The following FAF1 variants were observed in gnomAD, a reference collection of about 807,000 sequenced individuals.
The protein encoded by FAF1 is Fas associated factor 1.
In FAF1, 25 loss-of-function variants were observed where a neutral mutation model predicts 92.5. The ratio of observed to expected loss-of-function variants is 0.27; its 90% CI spans 0.20 to 0.38. The LOEUF (loss-of-function observed/expected upper bound fraction) is 0.38, where lower values mean the gene tolerates loss of function less well. FAF1 is among the 10% of genes least tolerant of loss of function. The pLI is 1.00. For missense variants in FAF1, 636 were observed against 793.3 expected (o/e 0.80, Z 2.38); for synonymous variants, 234 against 273.2 (o/e 0.86, Z 1.42).
intron 4 of FAF1, among the ~76,000 whole-genome samples, chr1:50,787,625 A>G (rs1288649309): frequency 6.6e-6 from 1 of 152,234 alleles, no homozygotes; most frequent in Non-Finnish European, 1.5e-5. Flanking sequence ...AGTCTCAGGT[A>G]TTGTTATAGC....
At chr1:50,846,295 T>C (rs1644298500) in intron 2 of FAF1, among the ~76,000 whole-genome samples, 1 of 150,006 alleles carries the variant, frequency 6.7e-6, no homozygotes, top group Non-Finnish European at 1.5e-5. Flanking sequence ...CAAGCTGTCA[T>C]CAGAAACAGA....
chr1:50,815,168 G>C (rs1352055209), intron 2 of FAF1, among the ~76,000 whole-genome samples: 4 of 152,154 alleles, frequency 2.6e-5, no homozygotes, highest in Non-Finnish European at 5.9e-5. Context: ...GAGGTTTGGT[G>C]TATGACTGAT....
At chr1:50,586,816 A>G (rs896467325) in intron 9 of FAF1, among the ~76,000 whole-genome samples, 17 of 152,210 alleles carry the variant, frequency 1.1e-4, no homozygotes, top group African/African-American at 3.9e-4. Context: ...AGGTAGTCAA[A>G]TATCTGGAGA....
intron 6 of FAF1, among the ~76,000 whole-genome samples, chr1:50,734,651 G>A (rs1268554979): frequency 2.6e-5 from 4 of 151,402 alleles, no homozygotes; most frequent in Admixed American, 6.6e-5. Context: ...GGAGAATGGC[G>A]TGAACCCAGG....
At chr1:50,893,982 A>G (rs1029039161) in intron 1 of FAF1, among the ~76,000 whole-genome samples, 5 of 152,034 alleles carry the variant, frequency 3.3e-5, no homozygotes, top group Non-Finnish European at 7.4e-5. Flanking sequence ...ACCACCACAG[A>G]CCCATAGGGA....
intron 15 of FAF1, among the ~76,000 whole-genome samples, chr1:50,506,427 C>G (rs932543157): frequency 1.3e-5 from 2 of 152,108 alleles, no homozygotes; most frequent in African/African-American, 4.8e-5. Context: ...TATCCTTGGC[C>G]TGGAATACTC....
intron 17 of FAF1, among the ~76,000 whole-genome samples, chr1:50,479,206 C>T (rs1177242114): frequency 2.0e-5 from 3 of 151,486 alleles, no homozygotes; most frequent in Non-Finnish European, 1.5e-5. Flanking sequence ...CTCACAGCAT[C>T]CTTCTATAAG....
chr1:50,566,404 A>C (rs1557997761), intron 13 of FAF1, among the ~76,000 whole-genome samples: 1 of 152,088 alleles, frequency 6.6e-6, no homozygotes, highest in Non-Finnish European at 1.5e-5. Context: ...GCATCATGGG[A>C]TGTTACGGCC....
chr1:50,528,030 T>A (rs1321491272), intron 15 of FAF1, among the ~76,000 whole-genome samples: 1 of 151,760 alleles, frequency 6.6e-6, no homozygotes, highest in African/African-American at 2.4e-5. Flanking sequence ...ACTTGGCTAA[T>A]TTTTTTTCCC....
intron 1 of FAF1, among the ~76,000 whole-genome samples, chr1:50,869,259 T>C (rs1416485181): frequency 1.3e-5 from 2 of 152,172 alleles, no homozygotes; most frequent in East Asian, 3.8e-4. Flanking sequence ...ACTTTTATAG[T>C]ACATTTCTTT....
chr1:50,678,578 G>C (rs1478453329), intron 7 of FAF1, among the ~76,000 whole-genome samples: 1 of 151,564 alleles, frequency 6.6e-6, no homozygotes, highest in Non-Finnish European at 1.5e-5. Context: ...TCAGGAGATA[G>C]AGACCATCCT....
intron 1 of FAF1, among the ~76,000 whole-genome samples, chr1:50,956,727 T>A (rs1645270047): frequency 6.6e-6 from 1 of 152,200 alleles, no homozygotes; most frequent in Non-Finnish European, 1.5e-5. Flanking sequence ...GGCAGGTGGA[T>A]CACCTGAGGT....
chr1:50,759,838 G>A (rs57545230), intron 4 of FAF1, among the ~76,000 whole-genome samples: 10,149 of 152,142 alleles, frequency 0.067, 414 homozygotes, highest in East Asian at 0.092. Context: ...TTTAATGATC[G>A]TCATTCTAAC....
At chr1:50,842,398 C>T (rs1268330709) in intron 2 of FAF1, among the ~76,000 whole-genome samples, 1 of 151,992 alleles carries the variant, frequency 6.6e-6, no homozygotes, top group Non-Finnish European at 1.5e-5. Context: ...TTTTGTAATC[C>T]AAACCAGTAT....
chr1:50,810,876 C>T (rs903109652), intron 2 of FAF1, among the ~76,000 whole-genome samples: 2 of 152,138 alleles, frequency 1.3e-5, no homozygotes, highest in African/African-American at 4.8e-5. Context: ...TGGTGAGACC[C>T]CGTCTCTACT....
intron 8 of FAF1, among the ~76,000 whole-genome samples, chr1:50,605,667 T>G (rs571710161): frequency 6.6e-6 from 1 of 152,172 alleles, no homozygotes; most frequent in Non-Finnish European, 1.5e-5. Context: ...TAGTTGCTTA[T>G]GAGCACCCTC....
chr1:50,819,666 ACACT>A (rs1173719863), intron 2 of FAF1, among the ~76,000 whole-genome samples: 3 of 132,862 alleles, frequency 2.3e-5, no homozygotes, highest in African/African-American at 3.1e-5. Flanking sequence ...ACACACACAC[ACACT>A]CTCTCTCTGT....
intron 7 of FAF1, among the ~76,000 whole-genome samples, chr1:50,685,437 A>G (rs1298353773): frequency 6.6e-6 from 1 of 152,214 alleles, no homozygotes; most frequent in Admixed American, 6.5e-5. Flanking sequence ...ATAGTATAGT[A>G]TAGTTAATGG....
chr1:50,953,104 T>G (rs1407897639), intron 1 of FAF1, among the ~76,000 whole-genome samples: 1 of 152,200 alleles, frequency 6.6e-6, no homozygotes, highest in Admixed American at 6.5e-5. Context: ...CCCAATCCCG[T>G]GCTCTCTGAA....
Sources: allele counts gnomAD v4.1 joint callset (sites outside exome capture counted in the v4.1 genomes callset), GRCh38; gene constraint gnomAD v4.1.1; transcripts MANE v1.5; gene names NCBI Gene and HGNC (gene_info 2026-07-23, HGNC 2026-07-21).